The following MRRF variants were observed in gnomAD, a reference collection of about 807,000 sequenced individuals.
The protein encoded by MRRF is ribosome-recycling factor, mitochondrial.
In MRRF, 18 loss-of-function variants were observed where a neutral mutation model predicts 25.1. The ratio of observed to expected loss-of-function variants is 0.72; its 90% confidence interval spans 0.50 to 1.06. The LOEUF (loss-of-function observed/expected upper bound fraction) is 1.06, where lower values mean the gene tolerates loss of function less well. MRRF is among the 50% of genes least tolerant of loss of function. The probability of loss-of-function intolerance (pLI) is 0.00; values close to 1 mark genes in which losing one functional copy is unlikely to be tolerated. For synonymous variants in MRRF, 113 were observed against 112.1 expected (o/e 1.01, Z -0.05); for missense variants, 323 against 319.3 (o/e 1.01, Z -0.09).
chr9:122,275,658 A>G (rs531841254), intron 2 of MRRF, among the ~76,000 whole-genome samples: 1 of 152,146 alleles, frequency 6.6e-6, no homozygotes, highest in African/African-American at 2.4e-5. Context: ...AGCAAACCCC[A>G]ACCCTGAGAT....
At chr9:122,293,206 G>T (rs1833884807) in intron 5 of MRRF, among the ~76,000 whole-genome samples, 1 of 152,174 alleles carries the variant, frequency 6.6e-6, no homozygotes, top group Non-Finnish European at 1.5e-5. Flanking sequence ...AATGAACAAA[G>T]CTTCCAGATA....
intron 1 of MRRF, among the ~76,000 whole-genome samples, chr9:122,269,570 C>CA (rs779449206): frequency 1.3e-5 from 2 of 151,630 alleles, no homozygotes; most frequent in Admixed American, 6.6e-5. Context: ...ACTAAAAATA[C>CA]AAAAAAATTC....
chr9:122,286,269 G>A, intron 4 of MRRF: 1 of 1,160,162 alleles, frequency 8.6e-7, no homozygotes, highest in Non-Finnish European at 1.1e-6. Flanking sequence ...GCTAGAGATA[G>A]GAGAAAGGGA....
intron 6 of MRRF, among the ~76,000 whole-genome samples, chr9:122,318,437 G>C (rs1462049788): frequency 1.3e-5 from 2 of 152,226 alleles, no homozygotes; most frequent in South Asian, 4.1e-4. Flanking sequence ...GAGAAACAGT[G>C]CTGCTCTGAA....
chr9:122,292,985 A>G (rs1588044513), intron 5 of MRRF, among the ~76,000 whole-genome samples: 1 of 152,226 alleles, frequency 6.6e-6, no homozygotes, highest in East Asian at 1.9e-4. Context: ...TTGTTGGAAT[A>G]TAGCAGTAAA....
intron 6 of MRRF, among the ~76,000 whole-genome samples, chr9:122,315,123 C>G (rs2118979367): frequency 6.6e-6 from 1 of 152,166 alleles, no homozygotes; most frequent in African/African-American, 2.4e-5. Flanking sequence ...GGGCCCTACT[C>G]CTGCATTTTC....
chr9:122,282,303 C>T (rs1235013331), intron 3 of MRRF, among the ~76,000 whole-genome samples: 1 of 152,180 alleles, frequency 6.6e-6, no homozygotes, highest in Non-Finnish European at 1.5e-5. Context: ...TTTGTTTATT[C>T]ATTGTTGTCC....
At chr9:122,306,119 G>A (rs888339957) in intron 5 of MRRF, among the ~76,000 whole-genome samples, 1 of 152,312 alleles carries the variant, frequency 6.6e-6, no homozygotes, top group South Asian at 2.1e-4. Context: ...CCACTATGCT[G>A]TGTTCTCCCC....
At position 122,293,882 on chromosome 9, in the gene MRRF, A is replaced by C. The variant is rs555933386; in HGVS notation, c.551+2042A>C. ...TAGATGAAAAATGTGAAGTTCAGAG[A>C]AATTAAGGGACTTGCCCGAGATCAC... On this transcript the variant is annotated intron_variant, in intron 5 of 6. Coordinates refer to ENST00000344641, the MANE Select transcript of MRRF (RefSeq NM_138777.5). Among the ~76,000 whole-genome samples, 3 of 152,314 alleles carry C rather than the reference A, an allele frequency of 2.0e-5. No individual in the cohort carries two copies. In the South Asian group the frequency reaches 6.2e-4, roughly 32 times the overall value.
chr9:122,275,878 A>G (rs898460610), intron 2 of MRRF, among the ~76,000 whole-genome samples: 7 of 151,928 alleles, frequency 4.6e-5, no homozygotes, highest in Non-Finnish European at 7.4e-5. Context: ...ATATCTTACC[A>G]TTGTGCATAA....
intron 2 of MRRF, among the ~76,000 whole-genome samples, chr9:122,274,552 G>GTGTA (rs1832662659): frequency 6.6e-6 from 1 of 151,302 alleles, no homozygotes; most frequent in South Asian, 2.1e-4. Flanking sequence ...GTGTGTGTGT[G>GTGTA]TGTGTGTGTG....
intron 5 of MRRF, among the ~76,000 whole-genome samples, chr9:122,306,811 C>A (rs1834876544): frequency 6.6e-6 from 1 of 152,158 alleles, no homozygotes. Context: ...GGAGCTGTGA[C>A]CCCGACCTTA....
chr9:122,280,357 T>G, intron 2 of MRRF, 86 bp from the exon 3 acceptor site: 1 of 1,415,480 alleles, frequency 7.1e-7, no homozygotes, highest in Non-Finnish European at 1.0e-6. Context: ...CATTTTTCCC[T>G]GTACATAGTA....
chr9:122,302,231 T>G (rs1278152529), intron 5 of MRRF, among the ~76,000 whole-genome samples: 1 of 152,104 alleles, frequency 6.6e-6, no homozygotes, highest in East Asian at 1.9e-4. Flanking sequence ...AACTCAATGG[T>G]TTTTAGTACT....
In MRRF at chr9:122,285,181, A is replaced by G. The variant is rs375741079; in HGVS notation, c.353A>G (p.Lys118Arg). 2 of 1,611,450 alleles carry G rather than the reference A, an allele frequency of 1.2e-6. No individual in the cohort carries two copies. The highest frequency in any genetic ancestry group is 1.7e-6 in the Non-Finnish European group (2 of 1,177,554). ...ATTTTTCTTTTAGGATCCCTTGACA[A>G]GATTGCTGTGGTAACTGCTGACGGG... ...NIRTSPGSLD[K>R]IAVVTADGKL... The change falls in exon 4 of 7, where the codon AAG becomes AGG. Residue 118 changes from lysine (K) to arginine (R), a missense_variant. Physicochemically the swap from Lys to Arg is conservative, Grantham distance 26. Coordinates refer to ENST00000344641, the MANE Select transcript of MRRF (RefSeq NM_138777.5).
intron 5 of MRRF, among the ~76,000 whole-genome samples, chr9:122,300,853 A>G (rs1477905593): frequency 1.3e-5 from 2 of 152,168 alleles, no homozygotes; most frequent in Non-Finnish European, 2.9e-5. Context: ...AATATGAGTT[A>G]TGTGTGAGCA....
intron 2 of MRRF, among the ~76,000 whole-genome samples, chr9:122,271,883 A>G (rs1459423579): frequency 6.6e-6 from 1 of 152,174 alleles, no homozygotes; most frequent in Non-Finnish European, 1.5e-5. Flanking sequence ...GAATGGCGCT[A>G]GATATATGCT....
Position 122,322,672 on chromosome 9 carries a change from G to GCCACCCA in MRRF, c.*55_*56insCCACCCA. 2 of 1,504,732 alleles carry GCCACCCA rather than the reference G, an allele frequency of 1.3e-6. No individual in the cohort carries two copies. Among genetic ancestry groups the GCCACCCA allele is most frequent in the Non-Finnish European group, 1.8e-6 (2 of 1,082,982 alleles). 93.2% of individuals were successfully genotyped at this position (1,504,732 alleles called of 1,614,324 possible). A position where few individuals can be genotyped will look rare whatever the true frequency, so the allele number is the denominator to read the frequency against. On this transcript the variant is annotated 3_prime_UTR_variant, in exon 7 of 7. Transcript: ENST00000344641. ...GCCCAGTTTCTGCTGGATCCCATGG[G>GCCACCCA]TGGCACATTGGGACTTCTCTCCCTC...
intron 1 of MRRF, 63 bp from the exon 2 acceptor site, chr9:122,270,801 G>T: frequency 7.7e-7 from 1 of 1,298,420 alleles, no homozygotes; most frequent in Non-Finnish European, 1.1e-6. Flanking sequence ...CGAATTACCT[G>T]AAGTTGCAAG....
Sources: gnomAD v4.1 joint callset for allele counts (sites outside exome capture counted in the v4.1 genomes callset) on GRCh38, gnomAD v4.1.1 for gene constraint, MANE v1.5 for transcripts, NCBI Gene and HGNC (gene_info 2026-07-23, HGNC 2026-07-21) for gene names.